FBXW2: variants seen among roughly 807,000 people sequenced by gnomAD.
FBXW2 encodes F-box and WD repeat domain containing 2, also known as F-box/WD repeat-containing protein 2.
In FBXW2, 12 loss-of-function variants were observed where a neutral mutation model predicts 46.0. That is an observed-to-expected ratio of 0.26 (90% confidence interval 0.17 to 0.42). FBXW2 has a LOEUF of 0.42. FBXW2 is among the 10% of genes least tolerant of loss of function. The probability of loss-of-function intolerance (pLI) is 1.00; values close to 1 mark genes in which losing one functional copy is unlikely to be tolerated. For missense variants in FBXW2, 360 were observed against 537.0 expected (o/e 0.67, Z 3.26); for synonymous variants, 203 against 209.6 (o/e 0.97, Z 0.27).
chr9:120,785,475 C>T (rs1395153087), intron 3 of FBXW2, among the ~76,000 whole-genome samples: 1 of 152,168 alleles, frequency 6.6e-6, no homozygotes, highest in South Asian at 2.1e-4. Context: ...GGATGACAAA[C>T]CAAACCATGA....
chr9:120,781,036 CAA>C (rs776751730), intron 3 of FBXW2, among the ~76,000 whole-genome samples: 3 of 108,946 alleles, frequency 2.8e-5, no homozygotes, highest in Non-Finnish European at 6.0e-5. Flanking sequence ...AATATCATGG[CAA>C]AAAAAAAAAA....
chr9:120,761,271 C>T lies in FBXW2; in HGVS notation c.*3288G>A, dbSNP rs948017158. The T allele has an allele frequency of 6.6e-6, 1 of 152,256 alleles. No individual in the cohort carries two copies. Among genetic ancestry groups the T allele is most frequent in the African/African-American group, 2.4e-5 (1 of 41,466 alleles). The allele number at this position is 152,256 out of a possible 1,614,324, so 9.4% of individuals were successfully genotyped here. A position where few individuals can be genotyped will look rare whatever the true frequency, so the allele number is the denominator to read the frequency against. The stretch of plus-strand genomic sequence containing the variant: ...CTCAGCTCTCCTGGATCCCTGTCCA[C>T]ACCATGAAGCCTGAAGTTGTTATGA... On this transcript the variant is annotated 3_prime_UTR_variant, in exon 8 of 8. Transcript: ENST00000608872.
intron 5 of FBXW2, among the ~76,000 whole-genome samples, chr9:120,775,733 A>G (rs559632960): frequency 3.9e-5 from 6 of 152,312 alleles, no homozygotes; most frequent in Non-Finnish European, 7.4e-5. Flanking sequence ...TGTTTATTCT[A>G]AAGGGAAAAA....
At chr9:120,764,899 T>C (rs2044247648) in intron 7 of FBXW2, 52 bp from the exon 8 acceptor site, 3 of 1,370,044 alleles carry the variant, frequency 2.2e-6, no homozygotes, top group Non-Finnish European at 3.0e-6. Flanking sequence ...TGCTTCTGTT[T>C]ATGCTACTGT....
chr9:120,770,779 T>C (rs866755366), intron 7 of FBXW2, among the ~76,000 whole-genome samples: 3 of 152,204 alleles, frequency 2.0e-5, no homozygotes, highest in East Asian at 3.8e-4. Context: ...GCCCCAAATA[T>C]GCTAACAGAT....
At chr9:120,778,072 G>A (rs1262612246) in intron 4 of FBXW2, among the ~76,000 whole-genome samples, 5 of 151,656 alleles carry the variant, frequency 3.3e-5, no homozygotes, top group Non-Finnish European at 7.4e-5. Flanking sequence ...ACAGGAGGGG[G>A]GAGAGAGAGA....
intron 7 of FBXW2, 63 bp downstream of exon 7, chr9:120,771,285 G>C (rs1306399289): frequency 6.8e-7 from 1 of 1,474,864 alleles, no homozygotes; most frequent in Admixed American, 2.1e-5. Flanking sequence ...ATTTAGTCTT[G>C]TCTTTACTAC....
In FBXW2 at chr9:120,764,579, A is replaced by C. The variant is rs944250768; in HGVS notation, c.1345T>G (p.Leu449Val). 13 of 1,613,556 alleles carry C rather than the reference A, an allele frequency of 8.1e-6. No homozygotes were observed. Among genetic ancestry groups the C allele is most frequent in the South Asian group, 1.1e-5 (1 of 91,066 alleles). The stretch of plus-strand genomic sequence containing the variant: ...TGGTGTCAGCCGTGCTCCTTCCACA[A>C]CACCAGGTGAATACTGTGGTCAGGC... ...SMPDHSIHLV[L>V]WKEHG is the part of the protein sequence containing the mutation. Residue 449 changes from leucine to valine, a missense_variant, in exon 8 of 8, where the codon TTG becomes GTG. Leu to Val is a conservative substitution (Grantham distance 32). Transcript: ENST00000608872.
intron 5 of FBXW2, among the ~76,000 whole-genome samples, chr9:120,773,185 G>T (rs1329485746): frequency 7.0e-6 from 1 of 142,768 alleles, no homozygotes. Flanking sequence ...AGACCACAAC[G>T]CTTAAAAAAA....
chr9:120,779,872 C>A (rs1320024486), intron 3 of FBXW2, among the ~76,000 whole-genome samples: 1 of 152,058 alleles, frequency 6.6e-6, no homozygotes, highest in Non-Finnish European at 1.5e-5. Context: ...AAATGTTGGG[C>A]CGGGCGCAGT....
intron 5 of FBXW2, among the ~76,000 whole-genome samples, chr9:120,775,708 A>G (rs1225945223): frequency 6.6e-6 from 1 of 152,188 alleles, no homozygotes; most frequent in African/African-American, 2.4e-5. Flanking sequence ...TGCTTTTCTG[A>G]TTAAGAAAGA....
rs2044195844 is a variant in FBXW2, at chr9:120,761,473, C to G, written c.*3086G>C. 1 of 152,246 alleles carries G rather than the reference C, an allele frequency of 6.6e-6. No homozygotes were observed. The highest frequency in any genetic ancestry group is 2.4e-5 in the African/African-American group (1 of 41,542). 9.4% of individuals were successfully genotyped at this position (152,246 alleles called of 1,614,324 possible). A position where few individuals can be genotyped will look rare whatever the true frequency, so the allele number is the denominator to read the frequency against. Reference sequence around the variant, plus strand: ...TTCCCTTACCTATGCGCTAAGGAAGCCAAAGTCAGTGTGTGCAAGAGCTAG... The same window carrying G: ...TTCCCTTACCTATGCGCTAAGGAAGGCAAAGTCAGTGTGTGCAAGAGCTAG... On this transcript the variant is annotated 3_prime_UTR_variant, in exon 8 of 8. Transcript: ENST00000608872.
chr9:120,779,889 T>G (rs897139913), intron 3 of FBXW2, among the ~76,000 whole-genome samples: 9 of 152,154 alleles, frequency 5.9e-5, no homozygotes, highest in Non-Finnish European at 1.2e-4. Flanking sequence ...CAGTGGCTCA[T>G]GCCTGTAATC....
intron 3 of FBXW2, among the ~76,000 whole-genome samples, chr9:120,785,751 C>T (rs1009119906): frequency 2.0e-5 from 3 of 151,880 alleles, no homozygotes; most frequent in East Asian, 1.9e-4. Flanking sequence ...AAAATTGGGC[C>T]GGGCACGGTG....
At chr9:120,768,210 T>A (rs557680885) in intron 7 of FBXW2, among the ~76,000 whole-genome samples, 1 of 152,332 alleles carries the variant, frequency 6.6e-6, no homozygotes, top group Admixed American at 6.5e-5. Flanking sequence ...GCATTTATAC[T>A]CACCCTTTAG....
At chr9:120,780,323 C>T (rs566072604) in intron 3 of FBXW2, among the ~76,000 whole-genome samples, 23 of 150,064 alleles carry the variant, frequency 1.5e-4, no homozygotes, top group African/African-American at 5.4e-4. Flanking sequence ...CCACTGCACT[C>T]CAGCCTGGGC....
Position 120,787,876 on chromosome 9 carries a change from A to C in FBXW2, c.383T>G (p.Leu128Trp), listed in dbSNP as rs1021113036. Residue 128 changes from leucine (L) to tryptophan (W), a missense_variant, in exon 3 of 8, where the codon TTG (leucine) becomes TGG (tryptophan). Leu to Trp is a moderately conservative substitution (Grantham distance 61). Transcript: ENST00000608872. ...HWKKVYLKAILRMKQLEDHEA... is the reference protein window; with the variant it reads ...HWKKVYLKAIWRMKQLEDHEA... ...ATGGTCCTCCAGTTGCTTCATTCTCAAAATAGCCTTCAAATAAACCTTCTT... is the reference window on the plus strand; with the variant it reads ...ATGGTCCTCCAGTTGCTTCATTCTCCAAATAGCCTTCAAATAAACCTTCTT... 1.2e-6 allele frequency: 2 copies of C among 1,614,230 alleles called. No individual in the cohort carries two copies. Among genetic ancestry groups the C allele is most frequent in the Non-Finnish European group, 1.7e-6 (2 of 1,180,044 alleles).
At chr9:120,792,833 T>C in intron 2 of FBXW2, 1 of 1,355,002 alleles carries the variant, frequency 7.4e-7, no homozygotes, top group Non-Finnish European at 9.9e-7. Flanking sequence ...CATTATTACT[T>C]AGCATTAATA....
chr9:120,785,664 G>A (rs1277458843), intron 3 of FBXW2, among the ~76,000 whole-genome samples: 1 of 152,032 alleles, frequency 6.6e-6, no homozygotes. Context: ...GACTCCTGAG[G>A]GAGAAGCAAG....
Sources: gnomAD v4.1 joint callset for allele counts (sites outside exome capture counted in the v4.1 genomes callset) on GRCh38, gnomAD v4.1.1 for gene constraint, MANE v1.5 for transcripts, NCBI Gene and HGNC (gene_info 2026-07-23, HGNC 2026-07-21) for gene names.